The following SLC24A2 variants were observed in gnomAD, a reference collection of about 807,000 sequenced individuals.
SLC24A2 encodes the protein solute carrier family 24 member 2.
Under a neutral mutation model 62.0 loss-of-function variants are expected in SLC24A2, and 36 were observed. That is an observed-to-expected ratio of 0.58 (90% CI 0.44 to 0.77). The LOEUF (loss-of-function observed/expected upper bound fraction) is 0.77. Ranked by LOEUF, SLC24A2 falls within the 30% of genes least tolerant of loss-of-function variation. The probability of loss-of-function intolerance (pLI) is 0.00; values close to 1 mark genes in which losing one functional copy is unlikely to be tolerated. For synonymous variants in SLC24A2, 358 were observed against 294.0 expected (o/e 1.22, Z -2.23); for missense variants, 846 against 817.9 (o/e 1.03, Z -0.42).
At chr9:20,117,292 A>G in the SLC24A2 span, among the ~76,000 whole-genome samples, 19 of 152,248 alleles carry the variant, frequency 1.2e-4, no homozygotes, top group Non-Finnish European at 2.5e-4. Context: ...AGAAGTTGCA[A>G]TGTGGAGGAG....
chr9:19,749,695 G>A (rs1400322851), intron 2 of SLC24A2, among the ~76,000 whole-genome samples: 1 of 152,026 alleles, frequency 6.6e-6, no homozygotes, highest in Non-Finnish European at 1.5e-5. Flanking sequence ...ATATTGCATG[G>A]GATAAACTTA....
the SLC24A2 span, among the ~76,000 whole-genome samples, chr9:20,299,754 G>A: frequency 1.3e-5 from 2 of 152,144 alleles, no homozygotes; most frequent in African/African-American, 2.4e-5. Context: ...TCTAATTTTG[G>A]AGACAAAGAA....
chr9:19,750,027 C>T (rs967542400), intron 2 of SLC24A2, among the ~76,000 whole-genome samples: 2 of 152,172 alleles, frequency 1.3e-5, no homozygotes, highest in African/African-American at 4.8e-5. Flanking sequence ...AAGCCAAGGT[C>T]AGAGGAACTG....
chr9:19,875,731 A>G, the SLC24A2 span, among the ~76,000 whole-genome samples: 27 of 152,248 alleles, frequency 1.8e-4, 1 homozygote, highest in Middle Eastern at 3.2e-3. Context: ...GGTTGCATCC[A>G]GTTGCATATT....
the SLC24A2 span, among the ~76,000 whole-genome samples, chr9:20,227,104 TGCTCTCGTTG>T: frequency 6.6e-6 from 1 of 152,194 alleles, no homozygotes; most frequent in African/African-American, 2.4e-5. Flanking sequence ...AGACTGTTTA[TGCTCTCGTTG>T]GCTCTGAATG....
At chr9:19,533,126 C>A (rs1347703329) in intron 8 of SLC24A2, among the ~76,000 whole-genome samples, 2 of 152,134 alleles carry the variant, frequency 1.3e-5, no homozygotes, top group Non-Finnish European at 2.9e-5. Flanking sequence ...GAAATAAAAG[C>A]TAGTGGGAGT....
At chr9:19,940,694 G>A in the SLC24A2 span, among the ~76,000 whole-genome samples, 1 of 152,144 alleles carries the variant, frequency 6.6e-6, no homozygotes, top group African/African-American at 2.4e-5. Flanking sequence ...AGGGCCATTT[G>A]TTGCACTCAC....
the SLC24A2 span, among the ~76,000 whole-genome samples, chr9:20,276,018 G>C: frequency 6.6e-6 from 1 of 152,178 alleles, no homozygotes; most frequent in African/African-American, 2.4e-5. Context: ...TTCAAGGTAA[G>C]ATTTGGGTGA....
At chr9:19,690,562 T>C (rs1820014724) in intron 2 of SLC24A2, among the ~76,000 whole-genome samples, 1 of 152,090 alleles carries the variant, frequency 6.6e-6, no homozygotes, top group Non-Finnish European at 1.5e-5. Flanking sequence ...AGAATAGAAC[T>C]AACTGACAGA....
intron 7 of SLC24A2, among the ~76,000 whole-genome samples, chr9:19,569,886 G>C (rs1835788738): frequency 1.3e-5 from 2 of 152,130 alleles, no homozygotes; most frequent in Non-Finnish European, 2.9e-5. Flanking sequence ...TGTGGGTGCT[G>C]TTCCTTTGGC....
At chr9:20,262,928 G>A in the SLC24A2 span, among the ~76,000 whole-genome samples, 1 of 152,082 alleles carries the variant, frequency 6.6e-6, no homozygotes, top group Non-Finnish European at 1.5e-5. Flanking sequence ...GAACCATGGT[G>A]TTTTATTCTT....
the SLC24A2 span, among the ~76,000 whole-genome samples, chr9:19,906,711 A>T: frequency 2.6e-5 from 4 of 152,212 alleles, no homozygotes; most frequent in Admixed American, 1.3e-4. Context: ...TCTATGCAAA[A>T]AAACTAGAAA....
chr9:19,993,406 C>A, the SLC24A2 span, among the ~76,000 whole-genome samples: 1 of 152,274 alleles, frequency 6.6e-6, no homozygotes, highest in Middle Eastern at 3.4e-3. Flanking sequence ...TTCCTCTAAA[C>A]CACAAGAAAA....
chr9:20,026,538 A>G, the SLC24A2 span, among the ~76,000 whole-genome samples: 1 of 152,224 alleles, frequency 6.6e-6, no homozygotes, highest in Non-Finnish European at 1.5e-5. Context: ...TGGCATCATT[A>G]AAAATAAACA....
chr9:19,794,957 C>T, the SLC24A2 span, among the ~76,000 whole-genome samples: 1 of 152,114 alleles, frequency 6.6e-6, no homozygotes, highest in Admixed American at 6.5e-5. Flanking sequence ...AGAATTTCAA[C>T]ATAAAATAAA....
rs1310798973 is a variant in SLC24A2, at chr9:19,738,392, A to G, written c.930+47545T>C. 8.5e-5 allele frequency among the ~76,000 whole-genome samples: 13 copies of G among 152,310 alleles called. No homozygotes were observed. In the East Asian group the frequency reaches 2.5e-3, roughly 29 times the overall value. Reference sequence around the variant, plus strand: ...GGTAAAAGTGGACATTTAGGGTAACAGATCCCGAGAGAGAGAGAACGCATG... The same window carrying G: ...GGTAAAAGTGGACATTTAGGGTAACGGATCCCGAGAGAGAGAGAACGCATG... On this transcript the variant is annotated intron_variant, in intron 2 of 10. Coordinates refer to ENST00000341998, the MANE Select transcript of SLC24A2 (RefSeq NM_020344.4).
the SLC24A2 span, among the ~76,000 whole-genome samples, chr9:19,899,088 TG>T: frequency 3.2e-4 from 48 of 152,324 alleles, no homozygotes; most frequent in African/African-American, 1.1e-3. Context: ...CAGAGTCCTC[TG>T]TATCAGCCTC....
chr9:20,095,651 T>A, the SLC24A2 span, among the ~76,000 whole-genome samples: 2 of 152,154 alleles, frequency 1.3e-5, no homozygotes, highest in African/African-American at 4.8e-5. Context: ...GACTTACCCA[T>A]TTCCACAACT....
the SLC24A2 span, among the ~76,000 whole-genome samples, chr9:19,850,322 T>G: frequency 6.6e-6 from 1 of 152,160 alleles, no homozygotes; most frequent in African/African-American, 2.4e-5. Context: ...TTTGAACATT[T>G]TCAAATGCAA....
Sources: gnomAD v4.1 joint callset for allele counts (sites outside exome capture counted in the v4.1 genomes callset) on GRCh38, gnomAD v4.1.1 for gene constraint, MANE v1.5 for transcripts, NCBI Gene and HGNC (gene_info 2026-07-23, HGNC 2026-07-21) for gene names.